The following ATP2A3 variants were observed in gnomAD, a reference collection of about 807,000 sequenced individuals.
The protein encoded by ATP2A3 is ATPase sarcoplasmic/endoplasmic reticulum Ca2+ transporting 3.
In ATP2A3, 61 loss-of-function variants were observed where a neutral mutation model predicts 106.8. The observed-to-expected ratio is 0.57, with a 90% CI of 0.46 to 0.71. ATP2A3 has a LOEUF of 0.71. Ranked by LOEUF, ATP2A3 falls within the 30% of genes least tolerant of loss-of-function variation. ATP2A3 has a pLI of 0.00. For missense variants in ATP2A3, 1,201 were observed against 1,423.5 expected, an observed-to-expected ratio of 0.84 and a Z score of 2.52; for synonymous variants, 611 against 609.3, an observed-to-expected ratio of 1.00 and a Z score of -0.04.
Position 3,950,752 on chromosome 17 carries a change from T to C in ATP2A3, c.485A>G (p.Asp162Gly). The C allele has an allele frequency of 6.2e-7, 1 of 1,613,196 alleles. No homozygotes were observed. The highest frequency in any genetic ancestry group is 8.5e-7 in the Non-Finnish European group (1 of 1,179,920). ...EVAVGDKVPA[D>G]LRLIEIKSTT... is the part of the protein sequence containing the mutation. The stretch of plus-strand genomic sequence containing the variant: ...GGACTTGATCTCGATGAGGCGGAGG[T>C]CAGCAGGCACTTTGTCCCCCACTGT... Residue 162 changes from aspartate to glycine, a missense_variant, in exon 6 of 21, where the codon GAC becomes GGC. Coordinates refer to ENST00000397041, the MANE Select transcript of ATP2A3 (RefSeq NM_005173.4).
chr17:3,935,410 C>T, intron 16 of ATP2A3, 133 bp from the exon 17 acceptor site: 1 of 809,664 alleles, frequency 1.2e-6, no homozygotes, highest in East Asian at 2.7e-5. Context: ...GGTTTGCAGG[C>T]ACCTCCCCTC....
rs1477986765 is a variant in ATP2A3 at position 3,928,356 on chromosome 17, C to T, written c.2980+307G>A. The T allele has an allele frequency of 6.3e-7, 1 of 1,596,134 alleles. No homozygotes were observed. Among genetic ancestry groups the T allele is most frequent in the South Asian group, 1.1e-5 (1 of 90,404 alleles). ...GGTGCAGAGGGGTCAGAGGCTGAGG[C>T]CCAGAAGAGCACACAGTGCCCTGGC... On this transcript the variant is annotated intron_variant, in intron 20 of 20. Coordinates refer to ENST00000397041, the MANE Select transcript of ATP2A3 (RefSeq NM_005173.4). This position sits in a 1 kb window ranked among gnomAD's most constrained non-coding sequence, Gnocchi z 6.1.
chr17:3,939,809 A>AG, intron 14 of ATP2A3, among the ~76,000 whole-genome samples: 1 of 150,158 alleles, frequency 6.7e-6, no homozygotes, highest in South Asian at 2.1e-4. Context: ...AAAAAAAAAA[A>AG]AAAGCAATAA....
chr17:3,944,780 C>T lies in ATP2A3; in HGVS notation c.1211G>A (p.Cys404Tyr), dbSNP rs1360500626. ...EVRQGDQPVR[C>Y]GQFDGLVELA... ...CTCCACCAGCCCGTCGAACTGGCCG[C>T]AGCGCACAGGCTGATCCCCCTGCCG... Residue 404 changes from cysteine (C) to tyrosine (Y), a missense_variant, in exon 10 of 21, where the codon TGC (cysteine) becomes TAC (tyrosine). This residue lies in a region of ATP2A3 where 935 missense variants were observed against 1,176.7 expected (regional missense o/e 0.79). Coordinates refer to ENST00000397041, the MANE Select transcript of ATP2A3 (RefSeq NM_005173.4). 1 of 1,612,152 alleles carries T rather than the reference C, an allele frequency of 6.2e-7. No individual in the cohort carries two copies. The highest frequency in any genetic ancestry group is 2.2e-5 in the East Asian group (1 of 44,864).
intron 7 of ATP2A3, 34 bp downstream of exon 7, chr17:3,950,477 T>C: frequency 1.3e-6 from 2 of 1,594,018 alleles, no homozygotes; most frequent in East Asian, 2.2e-5. Flanking sequence ...ATTTTTATCA[T>C]TGTCTGGGCA....
chr17:3,936,589 T>G lies in ATP2A3; in HGVS notation c.2322-120A>C. The G allele has an allele frequency of 9.5e-7, 1 of 1,051,780 alleles. No homozygotes were observed. The highest frequency in any genetic ancestry group is 1.5e-6 in the Non-Finnish European group (1 of 689,644). 65.2% of individuals were successfully genotyped at this position (1,051,780 alleles called of 1,614,324 possible). A position where few individuals can be genotyped will look rare whatever the true frequency, so the allele number is the denominator to read the frequency against. ...CACCCACTGTCTCCACAGCAGCCCC[T>G]CCTCCCTCCGCCAGCTGTGATGTGA... On this transcript the variant is annotated intron_variant, in intron 15 of 20. Transcript: ENST00000397041. This position sits in a 1 kb window ranked among gnomAD's most constrained non-coding sequence, Gnocchi z 5.4.
intron 1 of ATP2A3, among the ~76,000 whole-genome samples, chr17:3,958,801 T>TATACAC (rs1567726589): frequency 9.3e-6 from 1 of 107,644 alleles, no homozygotes; most frequent in Non-Finnish European, 2.1e-5. Flanking sequence ...CACATATATA[T>TATACAC]ACACACATAT....
chr17:3,951,546 G>GCCCCCCCCCCCGGGCCCC, intron 4 of ATP2A3, 35 bp downstream of exon 4: 7 of 1,319,554 alleles, frequency 5.3e-6, no homozygotes, highest in Non-Finnish European at 7.3e-6. Flanking sequence ...CTGGGAGACC[G>GCCCCCCCCCCCGGGCCCC]CCCCCCGCCC....
chr17:3,953,727 G>A lies in ATP2A3; in HGVS notation c.119-17C>T. Reference sequence around the variant, plus strand: ...TCGGGAGCTCTGCAGGATCCAGGCAGCCACGGGAGCCATGAGGAGACAAGA... The same window carrying A: ...TCGGGAGCTCTGCAGGATCCAGGCAACCACGGGAGCCATGAGGAGACAAGA... On this transcript the variant is annotated splice_polypyrimidine_tract_variant and intron_variant, in intron 1 of 20. Coordinates refer to ENST00000397041, the MANE Select transcript of ATP2A3 (RefSeq NM_005173.4). This position sits in a 1 kb window ranked among gnomAD's most constrained non-coding sequence, Gnocchi z 5.1. 1 of 1,568,558 alleles carries A rather than the reference G, an allele frequency of 6.4e-7. No individual in the cohort carries two copies. Among genetic ancestry groups the A allele is most frequent in the Admixed American group, 1.9e-5 (1 of 53,184 alleles).
chr17:3,951,876 C>T (rs2054467759), intron 3 of ATP2A3, among the ~76,000 whole-genome samples, 191 bp from the exon 4 acceptor site: 1 of 152,192 alleles, frequency 6.6e-6, no homozygotes, highest in Admixed American at 6.5e-5. Context: ...GAGTGACCAC[C>T]CCACCCAGGC....
In ATP2A3 at chr17:3,951,407, G is replaced by A. The variant is rs757443686; in HGVS notation, c.325-18C>T. On this transcript the variant is annotated intron_variant, in intron 4 of 20. Transcript: ENST00000397041. ...TTGCGTTCCTGCAGAATAGAAGGCCGGCAGGCAGTCTGTCCCTGCTGCCCC... is the reference window on the plus strand; with the variant it reads ...TTGCGTTCCTGCAGAATAGAAGGCCAGCAGGCAGTCTGTCCCTGCTGCCCC... 55 of 1,613,326 alleles carry A rather than the reference G, an allele frequency of 3.4e-5. No individual in the cohort carries two copies. The highest frequency in any genetic ancestry group is 2.2e-4 in the South Asian group (20 of 91,072).
In ATP2A3 at chr17:3,928,093, T is replaced by C; in HGVS notation, c.2980+570A>G. 6.2e-7 allele frequency: 1 copy of C among 1,608,416 alleles called. No homozygotes were observed. The highest frequency in any genetic ancestry group is 8.5e-7 in the Non-Finnish European group (1 of 1,175,060). On this transcript the variant is annotated intron_variant, in intron 20 of 20. Transcript: ENST00000397041. This position sits in a 1 kb window ranked among gnomAD's most constrained non-coding sequence, Gnocchi z 6.1. ...AGCCCACCTGGCAGAGGCAGGTGGA[T>C]GGACCCCATGTCCCAGCCCACTTCT... is the stretch of plus-strand genomic sequence containing the variant.
chr17:3,953,224 C>T lies in ATP2A3; in HGVS notation c.219+123G>A. ...CTGAGCAGGGCAGGGCCAGGGAAGGCCAGGGCGCAGGCCCAGGGTGTGGAG... is the reference window on the plus strand; with the variant it reads ...CTGAGCAGGGCAGGGCCAGGGAAGGTCAGGGCGCAGGCCCAGGGTGTGGAG... On this transcript the variant is annotated intron_variant, in intron 3 of 20. Coordinates refer to ENST00000397041, the MANE Select transcript of ATP2A3 (RefSeq NM_005173.4). This position sits in a 1 kb window ranked among gnomAD's most constrained non-coding sequence, Gnocchi z 5.1. 1.1e-5 allele frequency: 13 copies of T among 1,149,714 alleles called. No homozygotes were observed. The highest frequency in any genetic ancestry group is 5.0e-5 in the South Asian group (4 of 80,788). 71.2% of individuals were successfully genotyped at this position (1,149,714 alleles called of 1,614,324 possible).
rs535846055 is a variant in ATP2A3 at position 3,936,020 on chromosome 17, C to T, written c.2524+247G>A. 6.6e-6 allele frequency among the ~76,000 whole-genome samples: 1 copy of T among 152,342 alleles called. No individual in the cohort carries two copies. The highest frequency in any genetic ancestry group is 6.5e-5 in the Admixed American group (1 of 15,308). ...GGGTTGTAATGGAGTGAGCAGAGGGCTGGGGCTGCAGCAGCCATTCTGCCA... is the reference window on the plus strand; with the variant it reads ...GGGTTGTAATGGAGTGAGCAGAGGGTTGGGGCTGCAGCAGCCATTCTGCCA... On this transcript the variant is annotated intron_variant, in intron 16 of 20. Transcript: ENST00000397041. This position sits in a 1 kb window ranked among gnomAD's most constrained non-coding sequence, Gnocchi z 5.4.
chr17:3,928,511 CCCCTTCACA>C lies in ATP2A3; in HGVS notation c.2980+143_2980+151del. The stretch of plus-strand genomic sequence containing the variant: ...ACACCTTGGGACCCAGCCACCAGAG[CCCCTTCACA>C]CCCTCCACTTGGTGATCCGAGAACG... On this transcript the variant is annotated intron_variant, in intron 20 of 20. Transcript: ENST00000397041. This position sits in a 1 kb window ranked among gnomAD's most constrained non-coding sequence, Gnocchi z 6.1. 1.1e-6 allele frequency: 1 copy of C among 934,536 alleles called. No homozygotes were observed. The highest frequency in any genetic ancestry group is 1.7e-6 in the Non-Finnish European group (1 of 599,330). The allele number at this position is 934,536 out of a possible 1,614,324, so 57.9% of individuals were successfully genotyped here. A position where few individuals can be genotyped will look rare whatever the true frequency, so the allele number is the denominator to read the frequency against.
At chr17:3,945,778 G>A (rs1239626159) in intron 8 of ATP2A3, among the ~76,000 whole-genome samples, 1 of 152,136 alleles carries the variant, frequency 6.6e-6, no homozygotes, top group Admixed American at 6.5e-5. Context: ...TTCTTGCTTC[G>A]TGGACATGGC....
At position 3,964,315 on chromosome 17, in the gene ATP2A3, C is replaced by G. The variant is rs973745061; in HGVS notation, c.-24G>C. On this transcript the variant is annotated 5_prime_UTR_variant, in exon 1 of 21. Coordinates refer to ENST00000397041, the MANE Select transcript of ATP2A3 (RefSeq NM_005173.4). ...ATGCCGCCCGCCCGGCCGTCTGCGC[C>G]GTCCGCACCGTCGAGGCCGCCTCTC... The G allele has an allele frequency of 8.4e-7, 1 of 1,188,194 alleles. No homozygotes were observed. The highest frequency in any genetic ancestry group is 1.1e-6 in the Non-Finnish European group (1 of 947,026). 73.6% of individuals were successfully genotyped at this position (1,188,194 alleles called of 1,614,324 possible). A position where few individuals can be genotyped will look rare whatever the true frequency, so the allele number is the denominator to read the frequency against.
At position 3,964,164 on chromosome 17, in the gene ATP2A3, G is replaced by C. The variant is rs1440053248; in HGVS notation, c.118+10C>G. ...CCCGCTCCCCGGCCCGGCCCGGCCCGCGCGCTCACCGTTGGGGCCGTAGCG... is the reference window on the plus strand; with the variant it reads ...CCCGCTCCCCGGCCCGGCCCGGCCCCCGCGCTCACCGTTGGGGCCGTAGCG... On this transcript the variant is annotated intron_variant, in intron 1 of 20. Transcript: ENST00000397041. 5 of 1,132,732 alleles carry C rather than the reference G, an allele frequency of 4.4e-6. No individual in the cohort carries two copies. Among genetic ancestry groups the C allele is most frequent in the Non-Finnish European group, 5.4e-6 (5 of 922,788 alleles). The allele number at this position is 1,132,732 out of a possible 1,614,324, so 70.2% of individuals were successfully genotyped here. A position where few individuals can be genotyped will look rare whatever the true frequency, so the allele number is the denominator to read the frequency against.
chr17:3,925,387 G>A lies in ATP2A3; in HGVS notation c.*35C>T. On this transcript the variant is annotated 3_prime_UTR_variant, in exon 21 of 21. Coordinates refer to ENST00000397041, the MANE Select transcript of ATP2A3 (RefSeq NM_005173.4). The surrounding 1 kb of genome is among the most constrained non-coding windows in gnomAD (Gnocchi z 4.2). ...GAACACATGGGCACCATCAGTCTGA[G>A]GTACACACCGGAGACTCCACTCTGT... is the stretch of plus-strand genomic sequence containing the variant. 6.2e-7 allele frequency: 1 copy of A among 1,613,860 alleles called. No individual in the cohort carries two copies. The highest frequency in any genetic ancestry group is 8.5e-7 in the Non-Finnish European group (1 of 1,179,920).
Sources: allele counts gnomAD v4.1 joint callset (sites outside exome capture counted in the v4.1 genomes callset), GRCh38; gene constraint gnomAD v4.1.1; regional missense constraint gnomAD v4.1.1; non-coding constraint Gnocchi (gnomAD v3.1); transcripts MANE v1.5; gene names NCBI Gene and HGNC (gene_info 2026-07-23, HGNC 2026-07-21).